HMGB1: variants seen among roughly 807,000 people sequenced by gnomAD.
HMGB1 encodes high mobility group box 1, also known as high mobility group protein B1.
For missense variants in HMGB1, 79 were observed against 253.5 expected, an observed-to-expected ratio of 0.31 and a Z score of 4.67; for synonymous variants, 81 against 84.0, an observed-to-expected ratio of 0.96 and a Z score of 0.19.
chr13:30,532,334 C>CAA (rs34132409), intron 1 of HMGB1, among the ~76,000 whole-genome samples: 271 of 113,302 alleles, frequency 2.4e-3, no homozygotes, highest in South Asian at 0.013. Flanking sequence ...GACTCTGTCT[C>CAA]AAAAAAAAAA....
chr13:30,528,309 G>A (rs143785006), intron 1 of HMGB1, among the ~76,000 whole-genome samples: 26 of 152,340 alleles, frequency 1.7e-4, no homozygotes, highest in Non-Finnish European at 3.7e-4. Context: ...GACCATCAGA[G>A]GGATGGGATG....
At chr13:30,564,249 A>G (rs1011036054) in intron 1 of HMGB1, among the ~76,000 whole-genome samples, 2 of 149,536 alleles carry the variant, frequency 1.3e-5, no homozygotes, top group African/African-American at 4.9e-5. Context: ...GCTGGGCAAC[A>G]TGGCAAAAAC....
chr13:30,470,084 A>AT (rs888573937), upstream of HMGB1, among the ~76,000 whole-genome samples: 1,661 of 142,524 alleles, frequency 0.012, 21 homozygotes, highest in African/African-American at 0.032. Flanking sequence ...GGTGCTGGCT[A>AT]TTTTTTTTTT....
At chr13:30,556,991 T>C (rs1316151846) in intron 1 of HMGB1, among the ~76,000 whole-genome samples, 2 of 152,218 alleles carry the variant, frequency 1.3e-5, no homozygotes, top group African/African-American at 2.4e-5. Flanking sequence ...TATGGAAATA[T>C]AATTATGTGC....
At chr13:30,565,483 A>G (rs1261734425) in intron 1 of HMGB1, among the ~76,000 whole-genome samples, 2 of 152,250 alleles carry the variant, frequency 1.3e-5, no homozygotes, top group African/African-American at 4.8e-5. Flanking sequence ...AGGGCCAAAA[A>G]TATATGTGCC....
At chr13:30,515,189 A>G (rs1336242026) in intron 1 of HMGB1, among the ~76,000 whole-genome samples, 1 of 152,230 alleles carries the variant, frequency 6.6e-6, no homozygotes, top group African/African-American at 2.4e-5. Context: ...AGAACCAGAC[A>G]GCAGTGCCCT....
In HMGB1 at chr13:30,559,118, A is replaced by G. The variant is rs1328666680; in HGVS notation, c.-15+57553T>C. 1.3e-5 allele frequency among the ~76,000 whole-genome samples: 2 copies of G among 151,950 alleles called. No individual in the cohort carries two copies. The highest frequency in any genetic ancestry group is 4.1e-4 in the South Asian group (2 of 4,826). ...TTGAGGACTTCTCTAGAAATAGGTG[A>G]GTCTGTTTCTTACATTGCCAAATGT... is the stretch of plus-strand genomic sequence containing the variant. On this transcript the variant is annotated intron_variant, in intron 1 of 4. Transcript: ENST00000405805. The surrounding 1 kb of genome is among the most constrained non-coding windows in gnomAD (Gnocchi z 6.6).
chr13:30,562,951 C>T (rs1000904597), intron 1 of HMGB1, among the ~76,000 whole-genome samples: 8 of 152,152 alleles, frequency 5.3e-5, no homozygotes, highest in African/African-American at 1.7e-4. Flanking sequence ...AGGAAGTAGA[C>T]CAAGTGTTAA....
At chr13:30,554,002 T>G in intron 1 of HMGB1, 2 of 1,484,948 alleles carry the variant, frequency 1.3e-6, no homozygotes, top group South Asian at 2.3e-5. Context: ...GCAGTTGTTG[T>G]GCTGAACCGC....
intron 1 of HMGB1, among the ~76,000 whole-genome samples, chr13:30,533,204 G>A (rs938825597): frequency 6.6e-6 from 1 of 152,216 alleles, no homozygotes; most frequent in Admixed American, 6.5e-5. Flanking sequence ...AATGTACCAT[G>A]CAGGGAGGCA....
At chr13:30,590,571 G>A (rs1871325157) in intron 1 of HMGB1, among the ~76,000 whole-genome samples, 1 of 152,242 alleles carries the variant, frequency 6.6e-6, no homozygotes, top group Non-Finnish European at 1.5e-5. Context: ...GTAAGATGTA[G>A]AAGTCAGATG....
intron 1 of HMGB1, among the ~76,000 whole-genome samples, chr13:30,518,331 T>C (rs1888147263): frequency 6.6e-6 from 1 of 152,208 alleles, no homozygotes; most frequent in African/African-American, 2.4e-5. Flanking sequence ...AGACCTTGTC[T>C]GAAACAAGCA....
intron 1 of HMGB1, among the ~76,000 whole-genome samples, chr13:30,527,676 G>A (rs913665053): frequency 6.6e-6 from 1 of 152,076 alleles, no homozygotes; most frequent in Non-Finnish European, 1.5e-5. Context: ...ACTCAGCCCT[G>A]ACCCCACACC....
chr13:30,554,025 G>C, intron 1 of HMGB1: 2 of 1,476,016 alleles, frequency 1.4e-6, no homozygotes, highest in Non-Finnish European at 1.9e-6. Context: ...TGTGGAGAAA[G>C]AATCGGTTAA....
At chr13:30,588,834 T>A (rs1871259079) in intron 1 of HMGB1, among the ~76,000 whole-genome samples, 1 of 151,850 alleles carries the variant, frequency 6.6e-6, no homozygotes, top group Non-Finnish European at 1.5e-5. Context: ...GGAGACTCGC[T>A]TGAATCTGGG....
chr13:30,498,987 C>T lies in HMGB1; in HGVS notation c.-14-35293G>A, dbSNP rs374069417. Among the ~76,000 whole-genome samples, 5 of 147,656 alleles carry T rather than the reference C, an allele frequency of 3.4e-5. No individual in the cohort carries two copies. The East Asian group carries it at 1.0e-3, about 29-fold the overall frequency. On this transcript the variant is annotated intron_variant, in intron 1 of 4. Transcript: ENST00000405805. Reference sequence around the variant, plus strand: ...TTTTTTTTTGAGAAGGAGTCTTGCTCTGTTGCCCAGGCTGGAGTGCACTGG... The same window carrying T: ...TTTTTTTTTGAGAAGGAGTCTTGCTTTGTTGCCCAGGCTGGAGTGCACTGG...
At chr13:30,565,039 T>C (rs1400851887) in intron 1 of HMGB1, among the ~76,000 whole-genome samples, 1 of 152,206 alleles carries the variant, frequency 6.6e-6, no homozygotes, top group Non-Finnish European at 1.5e-5. Context: ...TTTACATAGA[T>C]TATCTCTTAA....
intron 1 of HMGB1, among the ~76,000 whole-genome samples, chr13:30,613,779 T>C (rs1400757449): frequency 6.6e-6 from 1 of 151,974 alleles, no homozygotes; most frequent in African/African-American, 2.4e-5. Context: ...AACACATAAG[T>C]CAAAGTAGAC....
At chr13:30,538,642 C>CTTT (rs1868652861) in intron 1 of HMGB1, among the ~76,000 whole-genome samples, 1 of 51,038 alleles carries the variant, frequency 2.0e-5, no homozygotes, top group African/African-American at 1.4e-4. Flanking sequence ...TTTCTTTCTT[C>CTTT]CTTTCTTTCT....
Sources: gnomAD v4.1 joint callset for allele counts (sites outside exome capture counted in the v4.1 genomes callset) on GRCh38, gnomAD v4.1.1 for gene constraint, Gnocchi (gnomAD v3.1) non-coding constraint, MANE v1.5 for transcripts, NCBI Gene and HGNC (gene_info 2026-07-23, HGNC 2026-07-21) for gene names.